The following PLIN5 variants were observed in gnomAD, a reference collection of about 807,000 sequenced individuals.
PLIN5 encodes perilipin-5.
In PLIN5, 34 loss-of-function variants were observed where a neutral mutation model predicts 32.8. The ratio of observed to expected loss-of-function variants is 1.04; its 90% CI spans 0.79 to 1.38. The LOEUF is 1.38. Ranked by LOEUF, PLIN5 falls within the 40% of genes most tolerant of loss-of-function variation. The pLI, the probability that PLIN5 is intolerant of heterozygous loss-of-function variation, is 0.00. For missense variants in PLIN5, 712 were observed against 660.5 expected (o/e 1.08, Z -0.85); for synonymous variants, 309 against 292.9 (o/e 1.05, Z -0.56).
In PLIN5 at chr19:4,523,961, C is replaced by T. The variant is rs962429942; in HGVS notation, c.959G>A (p.Arg320Gln). The change falls in exon 8 of 8, where the codon CGG (arginine) becomes CAG (glutamine). Residue 320 changes from arginine to glutamine, a missense_variant. Arg to Gln is a conservative substitution (Grantham distance 43, BLOSUM62 1). Transcript: ENST00000381848. This position sits in a 1 kb window ranked among gnomAD's most constrained non-coding sequence, Gnocchi z 5.0. ...AGAQEKVAEVRRSVDALQTAF... is the reference protein window; with the variant it reads ...AGAQEKVAEVQRSVDALQTAF... ...GGTCTGCAGGGCATCCACACTGCGC[C>T]GCACCTCAGCCACCTTCTCCTGGGC... The T allele has an allele frequency of 3.0e-5, 46 of 1,528,264 alleles. No individual in the cohort carries two copies. Among genetic ancestry groups the T allele is most frequent in the Middle Eastern group, 1.7e-4 (1 of 5,792 alleles). The allele number at this position is 1,528,264 out of a possible 1,614,324, so 94.7% of individuals were successfully genotyped here.
In PLIN5 at chr19:4,524,033, C is replaced by T; in HGVS notation, c.887G>A (p.Gly296Asp). Reference sequence around the variant, plus strand: ...GCTGGACTCCAGAGCCTCTACCGTGCCCTGCAGCTCCTGGGTCAGGCTGCG... The same window carrying T: ...GCTGGACTCCAGAGCCTCTACCGTGTCCTGCAGCTCCTGGGTCAGGCTGCG... ...LSRSLTQELQGTVEALESSVR... is the reference protein window; with the variant it reads ...LSRSLTQELQDTVEALESSVR... The change falls in exon 8 of 8, where the codon GGC becomes GAC. Residue 296 changes from glycine (G) to aspartate (D), a missense_variant. By Grantham distance (94) the Gly-to-Asp change is moderately conservative. Transcript: ENST00000381848. The T allele has an allele frequency of 2.0e-6, 3 of 1,485,266 alleles. No individual in the cohort carries two copies. Among genetic ancestry groups the T allele is most frequent in the South Asian group, 1.3e-5 (1 of 76,628 alleles). The allele number at this position is 1,485,266 out of a possible 1,614,324, so 92.0% of individuals were successfully genotyped here. A position where few individuals can be genotyped will look rare whatever the true frequency, so the allele number is the denominator to read the frequency against.
At chr19:4,527,318 C>T (rs1397697937) in intron 5 of PLIN5, among the ~76,000 whole-genome samples, 2 of 151,736 alleles carry the variant, frequency 1.3e-5, no homozygotes, top group Non-Finnish European at 2.9e-5. Flanking sequence ...GTGATCTGCC[C>T]TCCTCGGCCT....
rs375096055 is a variant in PLIN5, at chr19:4,523,702, G to A, written c.1218C>T (p.Arg406=). The A allele has an allele frequency of 6.2e-7, 1 of 1,604,520 alleles. No homozygotes were observed. Residue 406 remains arginine, a synonymous_variant, in exon 8 of 8, where the codon CGC becomes CGT. Transcript: ENST00000381848. The surrounding 1 kb of genome is among the most constrained non-coding windows in gnomAD (Gnocchi z 5.0). The part of the protein sequence containing the change: ...VDEVIGGPDP[R]WAHLDWPAQQ... ...GGGCCGGCCAGTCCAGGTGCGCCCA[G>A]CGGGGGTCAGGGCCCCCGATGACCT...
rs750686826 is a variant in PLIN5 at position 4,523,893 on chromosome 19, C to A, written c.1027G>T (p.Ala343Ser). The A allele has an allele frequency of 1.1e-5, 16 of 1,515,116 alleles. No individual in the cohort carries two copies. Among genetic ancestry groups the A allele is most frequent in the Middle Eastern group, 1.8e-4 (1 of 5,682 alleles). The allele number at this position is 1,515,116 out of a possible 1,614,324, so 93.9% of individuals were successfully genotyped here. A position where few individuals can be genotyped will look rare whatever the true frequency, so the allele number is the denominator to read the frequency against. The change falls in exon 8 of 8, where the codon GCG (alanine) becomes TCG (serine). Residue 343 changes from alanine (A) to serine (S), a missense_variant. By Grantham distance (99) the Ala-to-Ser change is moderately conservative (BLOSUM62 1). Coordinates refer to ENST00000381848, the MANE Select transcript of PLIN5 (RefSeq NM_001013706.3). The surrounding 1 kb of genome is among the most constrained non-coding windows in gnomAD (Gnocchi z 5.0). ...ACGCGACCCCGGCCCTCGGCCAGCG[C>A]GGCCGCTGGCACGTCCCTGAAGCAG... The part of the protein sequence containing the change: ...ARCFRDVPAA[A>S]LAEGRGRVAH...
At chr19:4,524,221 C>A (rs1484215813) in intron 7 of PLIN5, 136 bp from the exon 8 acceptor site, 2 of 861,112 alleles carry the variant, frequency 2.3e-6, no homozygotes, top group African/African-American at 3.6e-5. Flanking sequence ...CCTGTAGACA[C>A]AGAATGTGAC....
In PLIN5 at chr19:4,525,829, G is replaced by A; in HGVS notation, c.524C>T (p.Ala175Val). 1 of 1,610,854 alleles carries A rather than the reference G, an allele frequency of 6.2e-7. No homozygotes were observed. Among genetic ancestry groups the A allele is most frequent in the African/African-American group, 1.3e-5 (1 of 74,496 alleles). ...AGGGCCTTCAGCCTCAGCCGCCAGT[G>A]CCGCTGGAGGACAGGATACGGGGAC... Reference protein sequence around the residue: ...FLPMTEEELAALAAEAEGPEV... With the variant: ...FLPMTEEELAVLAAEAEGPEV... The change falls in exon 6 of 8, where the codon GCA (alanine) becomes GTA (valine). Residue 175 changes from alanine (A) to valine (V), a missense_variant. Ala to Val is a moderately conservative substitution (Grantham distance 64, BLOSUM62 0). Coordinates refer to ENST00000381848, the MANE Select transcript of PLIN5 (RefSeq NM_001013706.3). This position sits in a 1 kb window ranked among gnomAD's most constrained non-coding sequence, Gnocchi z 5.6.
rs200642801 is a variant in PLIN5, at chr19:4,523,581, C to T, written c.1339G>A (p.Glu447Lys). Residue 447 changes from glutamate to lysine, a missense_variant, in exon 8 of 8, where the codon GAG becomes AAG. Coordinates refer to ENST00000381848, the MANE Select transcript of PLIN5 (RefSeq NM_001013706.3). The surrounding 1 kb of genome is among the most constrained non-coding windows in gnomAD (Gnocchi z 5.0). ...TGCTTGACCGGGCAGCTGGGGGTCT[C>T]GGGTTCCTGCTCGCAGATGTCCCCG... ...VAGDICEQEPETPSCPVKHTL... is the reference protein window; with the variant it reads ...VAGDICEQEPKTPSCPVKHTL... The T allele has an allele frequency of 6.9e-5, 110 of 1,601,972 alleles. No homozygotes were observed. In the African/African-American group the frequency reaches 1.1e-3, roughly 16 times the overall value.
intron 2 of PLIN5, 46 bp from the exon 3 acceptor site, chr19:4,531,868 C>A: frequency 6.9e-7 from 1 of 1,454,976 alleles, no homozygotes; most frequent in Non-Finnish European, 9.1e-7. Context: ...GAAGTGGGGC[C>A]CTAGCCACAC....
chr19:4,526,125 A>C (rs761910851), intron 5 of PLIN5, among the ~76,000 whole-genome samples: 1 of 152,162 alleles, frequency 6.6e-6, no homozygotes, highest in Admixed American at 6.5e-5. Context: ...CCTGTTTTAC[A>C]CAGGAGGAAA....
intron 4 of PLIN5, chr19:4,529,512 G>A (rs1028319867): frequency 3.5e-5 from 17 of 488,972 alleles, no homozygotes; most frequent in Admixed American, 7.3e-5. Context: ...ATATATACAT[G>A]TATATATACA....
chr19:4,534,517 C>A (rs1247446740), intron 1 of PLIN5, among the ~76,000 whole-genome samples: 1 of 152,172 alleles, frequency 6.6e-6, no homozygotes, highest in South Asian at 2.1e-4. Flanking sequence ...GGATTACCCA[C>A]GTGCCACCAT....
At chr19:4,527,125 G>C (rs1218984235) in intron 5 of PLIN5, among the ~76,000 whole-genome samples, 2 of 151,754 alleles carry the variant, frequency 1.3e-5, no homozygotes, top group African/African-American at 2.4e-5. Context: ...GCCCAGGCTG[G>C]AGTGCAGTGG....
chr19:4,523,139 G>T lies in PLIN5; in HGVS notation c.*389C>A. The stretch of plus-strand genomic sequence containing the variant: ...AGGGTTTCATCATGTTGGCCAGGAT[G>T]ATCCCGAACTCCTGACTTCAGATGA... On this transcript the variant is annotated 3_prime_UTR_variant, in exon 8 of 8. Transcript: ENST00000381848. This position sits in a 1 kb window ranked among gnomAD's most constrained non-coding sequence, Gnocchi z 5.0. 1 of 164,058 alleles carries T rather than the reference G, an allele frequency of 6.1e-6. No homozygotes were observed. The highest frequency in any genetic ancestry group is 1.3e-5 in the Non-Finnish European group (1 of 77,796). The allele number at this position is 164,058 out of a possible 1,614,324, so 10.2% of individuals were successfully genotyped here.
chr19:4,534,853 C>T lies in PLIN5; in HGVS notation c.-22+312G>A, dbSNP rs186498227. 2.4e-3 allele frequency among the ~76,000 whole-genome samples: 369 copies of T among 152,318 alleles called. 3 individuals carry two copies. The highest frequency in any genetic ancestry group is 8.8e-3 in the African/African-American group (364 of 41,576). ...CTCACAGCTCATTTGACAGACAGGG[C>T]AACTGAGGTACGCAGCAGGTCCATG... On this transcript the variant is annotated intron_variant, in intron 1 of 7. Coordinates refer to ENST00000381848, the MANE Select transcript of PLIN5 (RefSeq NM_001013706.3).
At chr19:4,526,815 A>G (rs1976808760) in intron 5 of PLIN5, among the ~76,000 whole-genome samples, 1 of 150,394 alleles carries the variant, frequency 6.6e-6, no homozygotes, top group African/African-American at 2.5e-5. Context: ...CTACGATCAC[A>G]CCACTGCCCT....
rs1280781401 is a variant in PLIN5, at chr19:4,523,368, G to A, written c.*160C>T. On this transcript the variant is annotated 3_prime_UTR_variant, in exon 8 of 8. Transcript: ENST00000381848. The surrounding 1 kb of genome is among the most constrained non-coding windows in gnomAD (Gnocchi z 5.0). ...TGTCCATGTGTTCAAGGAAAAAATG[G>A]GAGAGTCCAATACCAAAAAGGTGGT... 1 of 791,340 alleles carries A rather than the reference G, an allele frequency of 1.3e-6. No individual in the cohort carries two copies. The allele number at this position is 791,340 out of a possible 1,614,324, so 49.0% of individuals were successfully genotyped here. A position where few individuals can be genotyped will look rare whatever the true frequency, so the allele number is the denominator to read the frequency against.
rs755383750 is a variant in PLIN5 at position 4,529,073 on chromosome 19, C to T, written c.520G>A (p.Ala174Thr). ...TTAGGGTTGAGGGTGTCGTCCTCAC[C>T]GAGCTCTTCCTCCGTCATGGGCAGG... ...HFLPMTEEEL[A>T]ALAAEAEGPE... Residue 174 changes from alanine (A) to threonine (T), a missense_variant and splice_region_variant, in exon 5 of 8, where the codon GCG becomes ACG. Coordinates refer to ENST00000381848, the MANE Select transcript of PLIN5 (RefSeq NM_001013706.3). The T allele has an allele frequency of 6.2e-6, 10 of 1,612,196 alleles. No homozygotes were observed. Among genetic ancestry groups the T allele is most frequent in the African/African-American group, 2.7e-5 (2 of 74,894 alleles).
chr19:4,529,921 A>T, intron 3 of PLIN5, 55 bp from the exon 4 acceptor site: 1 of 1,160,954 alleles, frequency 8.6e-7, no homozygotes. Context: ...GGAGATAGGG[A>T]CGCAGTGAGA....
chr19:4,533,960 G>A (rs1358004448), intron 2 of PLIN5, 55 bp downstream of exon 2: 1 of 1,576,590 alleles, frequency 6.3e-7, no homozygotes, highest in Admixed American at 1.8e-5. Context: ...CTCCTAGAAG[G>A]GACTGTCCCA....
Sources: allele counts gnomAD v4.1 joint callset (sites outside exome capture counted in the v4.1 genomes callset), GRCh38; gene constraint gnomAD v4.1.1; non-coding constraint Gnocchi (gnomAD v3.1); transcripts MANE v1.5; gene names NCBI Gene and HGNC (gene_info 2026-07-23, HGNC 2026-07-21).